The following ELMO1 variants were observed in gnomAD, a reference collection of about 807,000 sequenced individuals.
ELMO1 encodes the protein engulfment and cell motility protein 1.
In ELMO1, 26 loss-of-function variants were observed where a neutral mutation model predicts 98.9. That is an observed-to-expected ratio of 0.26 (90% CI 0.19 to 0.36). The LOEUF (loss-of-function observed/expected upper bound fraction) is 0.36. Among genes scored for constraint, ELMO1 ranks in the 10% least tolerant of loss-of-function variants. ELMO1 has a pLI of 1.00. For synonymous variants in ELMO1, 346 were observed against 346.0 expected (o/e 1.00, Z 0.00); for missense variants, 627 against 935.2 (o/e 0.67, Z 4.30).
intron 7 of ELMO1, among the ~76,000 whole-genome samples, chr7:37,243,745 G>A (rs891103700): frequency 3.9e-5 from 6 of 152,036 alleles, no homozygotes; most frequent in African/African-American, 7.2e-5. Context: ...AAATCTGTTC[G>A]GCCTACTTCA....
At chr7:37,155,843 C>T (rs987904773) in intron 13 of ELMO1, among the ~76,000 whole-genome samples, 1 of 152,156 alleles carries the variant, frequency 6.6e-6, no homozygotes. Flanking sequence ...ATTTACAGAA[C>T]TCTCCGCCCC....
intron 4 of ELMO1, among the ~76,000 whole-genome samples, chr7:37,290,023 GC>G (rs1797594997): frequency 6.6e-6 from 1 of 152,200 alleles, no homozygotes; most frequent in South Asian, 2.1e-4. Flanking sequence ...AAGACAGTGA[GC>G]AATTGGGAAA....
At chr7:37,426,755 T>C (rs1028344181) in intron 1 of ELMO1, among the ~76,000 whole-genome samples, 3 of 152,146 alleles carry the variant, frequency 2.0e-5, no homozygotes, top group Non-Finnish European at 4.4e-5. Context: ...CAAAGACCAT[T>C]TCCCAGCCCT....
chr7:37,424,663 A>C (rs916237730), intron 1 of ELMO1, among the ~76,000 whole-genome samples: 2 of 152,198 alleles, frequency 1.3e-5, no homozygotes, highest in Admixed American at 6.5e-5. Flanking sequence ...GCAATGCCGA[A>C]AAACCTACAG....
intron 14 of ELMO1, among the ~76,000 whole-genome samples, chr7:37,110,609 C>G (rs1196445348): frequency 6.6e-6 from 1 of 151,948 alleles, no homozygotes; most frequent in Non-Finnish European, 1.5e-5. Context: ...ATTGATAAAC[C>G]ATAATCTAAA....
chr7:37,359,358 G>A (rs555303816), intron 1 of ELMO1, among the ~76,000 whole-genome samples: 19 of 152,284 alleles, frequency 1.2e-4, no homozygotes, highest in Middle Eastern at 6.8e-3. Context: ...TAGCCTTGTG[G>A]CTTTGGGAAA....
chr7:37,278,810 G>T (rs901680787), intron 4 of ELMO1, among the ~76,000 whole-genome samples: 2 of 152,190 alleles, frequency 1.3e-5, no homozygotes, highest in Admixed American at 6.5e-5. Context: ...GAGCAACAAG[G>T]TCATCTCTGT....
intron 18 of ELMO1, among the ~76,000 whole-genome samples, chr7:36,884,939 G>A (rs1428098601): frequency 2.0e-5 from 3 of 152,184 alleles, no homozygotes; most frequent in South Asian, 2.1e-4. Context: ...CCAGGCAGGC[G>A]GTTGTCCATC....
chr7:37,384,580 CGCG>C (rs1802714636), intron 1 of ELMO1, among the ~76,000 whole-genome samples: 2 of 152,006 alleles, frequency 1.3e-5, no homozygotes, highest in Non-Finnish European at 2.9e-5. Flanking sequence ...ATTAGCCGGG[CGCG>C]GTGGTGGGCG....
intron 7 of ELMO1, among the ~76,000 whole-genome samples, chr7:37,238,503 G>T (rs1457866169): frequency 1.3e-5 from 2 of 152,104 alleles, no homozygotes; most frequent in African/African-American, 2.4e-5. Flanking sequence ...TCTATGAATA[G>T]AGGTAGTTTT....
At chr7:37,433,620 C>A (rs1037079103) in intron 1 of ELMO1, among the ~76,000 whole-genome samples, 1 of 152,130 alleles carries the variant, frequency 6.6e-6, no homozygotes, top group Admixed American at 6.6e-5. Context: ...GGGTCTTATG[C>A]TCACTTGTAA....
At chr7:37,041,715 G>A (rs895290749) in intron 15 of ELMO1, among the ~76,000 whole-genome samples, 5 of 152,170 alleles carry the variant, frequency 3.3e-5, no homozygotes, top group Non-Finnish European at 5.9e-5. Flanking sequence ...TGAGGATCAA[G>A]CTGTGCTCGG....
chr7:37,414,395 A>G (rs762608271), intron 1 of ELMO1, among the ~76,000 whole-genome samples: 1 of 152,242 alleles, frequency 6.6e-6, no homozygotes, highest in Non-Finnish European at 1.5e-5. Flanking sequence ...ATTAACACCT[A>G]CAAGGTGGAG....
rs897623655 is a variant in ELMO1 at position 36,855,871 on chromosome 7, A to G, written c.1984-120T>C. On this transcript the variant is annotated intron_variant, in intron 21 of 21. Coordinates refer to ENST00000310758, the MANE Select transcript of ELMO1 (RefSeq NM_014800.11). The surrounding 1 kb of genome is among the most constrained non-coding windows in gnomAD (Gnocchi z 4.2). ...AGGCTGTGCGCTAAGGGCTCTGCCT[A>G]CTTCGTCATTTCATATTTGGCGACA... is the stretch of plus-strand genomic sequence containing the variant. 2 of 1,130,742 alleles carry G rather than the reference A, an allele frequency of 1.8e-6. No individual in the cohort carries two copies. The highest frequency in any genetic ancestry group is 4.6e-5 in the Admixed American group (2 of 43,940). 70.0% of individuals were successfully genotyped at this position (1,130,742 alleles called of 1,614,324 possible). A position where few individuals can be genotyped will look rare whatever the true frequency, so the allele number is the denominator to read the frequency against.
chr7:36,912,458 T>C (rs979820150), intron 16 of ELMO1, among the ~76,000 whole-genome samples: 1 of 152,274 alleles, frequency 6.6e-6, no homozygotes, highest in African/African-American at 2.4e-5. Context: ...GTGTAAATCA[T>C]AGGAGAAAGA....
At chr7:37,173,131 T>A (rs540433652) in intron 13 of ELMO1, among the ~76,000 whole-genome samples, 1 of 152,370 alleles carries the variant, frequency 6.6e-6, no homozygotes, top group South Asian at 2.1e-4. Flanking sequence ...AAAATGTTTA[T>A]AAATGGATTA....
In ELMO1 at chr7:37,181,517, G is replaced by A. The variant is rs1274417307; in HGVS notation, c.1086+29869C>T. Among the ~76,000 whole-genome samples the A allele has an allele frequency of 2.0e-5, 3 of 152,250 alleles. No homozygotes were observed. The East Asian group carries it at 5.8e-4, about 29-fold the overall frequency. Reference sequence around the variant, plus strand: ...GACTTTTGACAGAAATGCAATCCTAGTTACAGAAACAAGAGGCCAATTTAT... The same window carrying A: ...GACTTTTGACAGAAATGCAATCCTAATTACAGAAACAAGAGGCCAATTTAT... On this transcript the variant is annotated intron_variant, in intron 13 of 21. Transcript: ENST00000310758.
chr7:37,038,094 T>C (rs1795293938), intron 15 of ELMO1, among the ~76,000 whole-genome samples: 1 of 152,110 alleles, frequency 6.6e-6, no homozygotes. Context: ...TGCTTTTCAA[T>C]CAGGAAACCA....
intron 13 of ELMO1, among the ~76,000 whole-genome samples, chr7:37,158,050 A>G (rs1222947180): frequency 6.6e-6 from 1 of 152,168 alleles, no homozygotes; most frequent in Non-Finnish European, 1.5e-5. Flanking sequence ...AACAAGAAAT[A>G]GGGAAAGGAT....
Sources: allele counts gnomAD v4.1 joint callset (sites outside exome capture counted in the v4.1 genomes callset), GRCh38; gene constraint gnomAD v4.1.1; non-coding constraint Gnocchi (gnomAD v3.1); transcripts MANE v1.5; gene names NCBI Gene and HGNC (gene_info 2026-07-23, HGNC 2026-07-21).